Variants in BLOC1S6 observed in about 807,000 individuals in gnomAD.
The protein encoded by BLOC1S6 is biogenesis of lysosomal organelles complex 1 subunit 6, also known as biogenesis of lysosome-related organelles complex 1 subunit 6.
A neutral mutation model predicts 24.7 loss-of-function variants in BLOC1S6; 24 were observed. The observed-to-expected ratio is 0.97, with a 90% CI of 0.70 to 1.37. The LOEUF is 1.37. Ranked by LOEUF, BLOC1S6 falls within the 40% of genes most tolerant of loss-of-function variation. The pLI, the probability that BLOC1S6 is intolerant of heterozygous loss-of-function variation, is 0.00. For missense variants in BLOC1S6, 175 were observed against 196.2 expected (o/e 0.89, Z 0.64); for synonymous variants, 76 against 72.6 (o/e 1.05, Z -0.23).
chr15:45,602,918 T>C (rs1894319827), intron 2 of BLOC1S6, among the ~76,000 whole-genome samples, 182 bp from the exon 3 acceptor site: 2 of 152,234 alleles, frequency 1.3e-5, no homozygotes, highest in Non-Finnish European at 1.5e-5. Context: ...CATTTAGTTA[T>C]CAGAATGTGG....
intron 3 of BLOC1S6, among the ~76,000 whole-genome samples, chr15:45,603,662 C>A (rs1445630819): frequency 6.6e-6 from 1 of 152,178 alleles, no homozygotes; most frequent in East Asian, 1.9e-4. Flanking sequence ...CACAAGTGAG[C>A]TGTGATTGTG....
chr15:45,607,317 C>T lies in BLOC1S6; in HGVS notation c.*803C>T, dbSNP rs1205999268. 1 of 152,188 alleles carries T rather than the reference C, an allele frequency of 6.6e-6. No individual in the cohort carries two copies. The highest frequency in any genetic ancestry group is 6.5e-5 in the Admixed American group (1 of 15,278). 9.4% of individuals were successfully genotyped at this position (152,188 alleles called of 1,614,324 possible). On this transcript the variant is annotated 3_prime_UTR_variant, in exon 5 of 5. Coordinates refer to ENST00000220531, the MANE Select transcript of BLOC1S6 (RefSeq NM_012388.4). ...CTGCTTCTTAGCGTCGTTGTCACTG[C>T]TTCTGTGGCTTTTGGGTTCAAAGTA...
Position 45,591,468 on chromosome 15 carries a change from C to T in BLOC1S6, c.83-667C>T, listed in dbSNP as rs143584890. 4.8e-3 allele frequency among the ~76,000 whole-genome samples: 723 copies of T among 152,022 alleles called. 5 individuals are homozygous for T. Among genetic ancestry groups the T allele is most frequent in the African/African-American group, 0.016 (679 of 41,492 alleles). On this transcript the variant is annotated intron_variant, in intron 1 of 4. Transcript: ENST00000220531. ...ATTTTTTTGAGACAGGGTCTCGCTC[C>T]GCTGCCCAGGCTGGAGTGCAGTGGT...
intron 1 of BLOC1S6, among the ~76,000 whole-genome samples, chr15:45,590,064 CT>C (rs1291804605): frequency 6.6e-6 from 1 of 152,002 alleles, no homozygotes; most frequent in Admixed American, 6.6e-5. Flanking sequence ...CTTAAAGTTG[CT>C]GATTGCATTG....
At position 45,609,191 on chromosome 15, in the gene BLOC1S6, T is replaced by G. The variant is rs1487793585; in HGVS notation, c.*2677T>G. 3 of 152,284 alleles carry G rather than the reference T, an allele frequency of 2.0e-5. No homozygotes were observed. Among genetic ancestry groups the G allele is most frequent in the South Asian group, 4.1e-4 (2 of 4,824 alleles). 9.4% of individuals were successfully genotyped at this position (152,284 alleles called of 1,614,324 possible). A position where few individuals can be genotyped will look rare whatever the true frequency, so the allele number is the denominator to read the frequency against. ...ACATACCTTACTAGACTGTGATGGC[T>G]CACACCTGTAATCCCAGTGCTTTGG... On this transcript the variant is annotated 3_prime_UTR_variant, in exon 5 of 5. Transcript: ENST00000220531.
At chr15:45,602,999 TTAAC>T (rs1485419480) in intron 2 of BLOC1S6, 97 bp from the exon 3 acceptor site, 7 of 765,962 alleles carry the variant, frequency 9.1e-6, no homozygotes, top group Admixed American at 2.0e-5. Flanking sequence ...CATTTCCTAC[TTAAC>T]TAACTGTTAC....
chr15:45,596,064 G>A (rs1269533278), intron 2 of BLOC1S6, among the ~76,000 whole-genome samples: 1 of 152,228 alleles, frequency 6.6e-6, no homozygotes, highest in South Asian at 2.1e-4. Context: ...GCCTCCCAAA[G>A]TGCTGGGATT....
chr15:45,607,559 G>A lies in BLOC1S6; in HGVS notation c.*1045G>A, dbSNP rs1037865521. 10 of 152,228 alleles carry A rather than the reference G, an allele frequency of 6.6e-5. No homozygotes were observed. The highest frequency in any genetic ancestry group is 2.4e-4 in the African/African-American group (10 of 41,442). 9.4% of individuals were successfully genotyped at this position (152,228 alleles called of 1,614,324 possible). A position where few individuals can be genotyped will look rare whatever the true frequency, so the allele number is the denominator to read the frequency against. ...GGACGCCGAGGCGGGTGGATCATGA[G>A]GTCAAAAGATTGAGACCATCCTGGC... On this transcript the variant is annotated 3_prime_UTR_variant, in exon 5 of 5. Coordinates refer to ENST00000220531, the MANE Select transcript of BLOC1S6 (RefSeq NM_012388.4).
intron 4 of BLOC1S6, 148 bp downstream of exon 4, chr15:45,605,662 T>A (rs1283287989): frequency 3.2e-6 from 2 of 618,454 alleles, no homozygotes; most frequent in East Asian, 6.3e-5. Context: ...CAATCTCGGC[T>A]CACTGCAACC....
chr15:45,595,220 C>T (rs1362532573), intron 2 of BLOC1S6, among the ~76,000 whole-genome samples: 1 of 152,140 alleles, frequency 6.6e-6, no homozygotes, highest in African/African-American at 2.4e-5. Context: ...TGGAATGTCT[C>T]TATTATTTAG....
At chr15:45,587,349 T>G, upstream of BLOC1S6, 3 of 1,249,900 alleles carry the variant, frequency 2.4e-6, no homozygotes, top group Non-Finnish European at 3.4e-6. Flanking sequence ...TGCGACAATC[T>G]CTTCTGTCCG....
rs567267200 is a variant in BLOC1S6 at position 45,588,006 on chromosome 15, C to A, written c.82+481C>A. ...GGATTTAAGCTCTAATGCCCTAAGG[C>A]ATCCATTGAATGGAATGAATTAACT... On this transcript the variant is annotated intron_variant, in intron 1 of 4. Transcript: ENST00000220531. 3.7e-4 allele frequency: 198 copies of A among 537,182 alleles called. 2 individuals are homozygous for A. The South Asian group carries it at 4.7e-3, about 13-fold the overall frequency. 33.3% of individuals were successfully genotyped at this position (537,182 alleles called of 1,614,324 possible). A position where few individuals can be genotyped will look rare whatever the true frequency, so the allele number is the denominator to read the frequency against.
At chr15:45,596,177 C>T (rs1476412370) in intron 2 of BLOC1S6, among the ~76,000 whole-genome samples, 1 of 152,002 alleles carries the variant, frequency 6.6e-6, no homozygotes, top group African/African-American at 2.4e-5. Context: ...CATGGATATC[C>T]AGTTGCTTCA....
intron 1 of BLOC1S6, among the ~76,000 whole-genome samples, chr15:45,590,133 C>T (rs1183794192): frequency 6.6e-6 from 1 of 151,870 alleles, no homozygotes; most frequent in Non-Finnish European, 1.5e-5. Flanking sequence ...TATTCACTTC[C>T]TATACAGTTG....
At chr15:45,605,738 C>G in intron 4 of BLOC1S6, 3 of 438,622 alleles carry the variant, frequency 6.8e-6, no homozygotes, top group Non-Finnish European at 1.2e-5. Flanking sequence ...TACAGGTGCC[C>G]GCCACCACAC....
chr15:45,590,354 T>G (rs927272287), intron 1 of BLOC1S6, among the ~76,000 whole-genome samples: 3 of 152,020 alleles, frequency 2.0e-5, no homozygotes, highest in Admixed American at 1.3e-4. Flanking sequence ...TATAATTTTA[T>G]TTTGATTTTC....
intron 2 of BLOC1S6, among the ~76,000 whole-genome samples, chr15:45,593,122 G>C (rs1205069268): frequency 6.6e-6 from 1 of 152,020 alleles, no homozygotes; most frequent in Non-Finnish European, 1.5e-5. Flanking sequence ...GGCCAAGTGT[G>C]GTGGCTTACA....
chr15:45,597,440 G>A (rs1338932704), intron 2 of BLOC1S6, among the ~76,000 whole-genome samples: 1 of 152,156 alleles, frequency 6.6e-6, no homozygotes, highest in Non-Finnish European at 1.5e-5. Flanking sequence ...TCATGCCGCT[G>A]CAGTCCAGCT....
chr15:45,588,109 G>A (rs1488875339), intron 1 of BLOC1S6, among the ~76,000 whole-genome samples: 3 of 152,198 alleles, frequency 2.0e-5, no homozygotes, highest in Non-Finnish European at 4.4e-5. Context: ...AGCATTTTCT[G>A]TGTTCTGTGG....
Sources: allele counts gnomAD v4.1 joint callset (sites outside exome capture counted in the v4.1 genomes callset), GRCh38; gene constraint gnomAD v4.1.1; transcripts MANE v1.5; gene names NCBI Gene and HGNC (gene_info 2026-07-23, HGNC 2026-07-21).